Variants in DPYSL5 observed in about 807,000 individuals in gnomAD.
DPYSL5 encodes the protein dihydropyrimidinase like 5.
Under a neutral mutation model 58.4 loss-of-function variants are expected in DPYSL5, and 9 were observed. The ratio of observed to expected loss-of-function variants is 0.15; its 90% CI spans 0.09 to 0.27. The LOEUF (loss-of-function observed/expected upper bound fraction) is 0.27. DPYSL5 is among the 10% of genes least tolerant of loss of function. The pLI is 1.00. For missense variants in DPYSL5, 499 were observed against 770.6 expected, an observed-to-expected ratio of 0.65 and a Z score of 4.17; for synonymous variants, 293 against 301.9, an observed-to-expected ratio of 0.97 and a Z score of 0.31.
At chr2:26,860,158 A>G (rs1665973992) in intron 1 of DPYSL5, among the ~76,000 whole-genome samples, 1 of 152,218 alleles carries the variant, frequency 6.6e-6, no homozygotes, top group East Asian at 1.9e-4. Context: ...GAGTGTGGTA[A>G]GTGCTAAGTG....
intron 2 of DPYSL5, among the ~76,000 whole-genome samples, chr2:26,917,535 T>G: frequency 6.7e-6 from 1 of 148,960 alleles, no homozygotes; most frequent in Non-Finnish European, 1.5e-5. Context: ...TGGGGTTGGG[T>G]GTGGGGTTGG....
At chr2:26,914,055 G>A (rs1236355401) in intron 2 of DPYSL5, among the ~76,000 whole-genome samples, 1 of 152,006 alleles carries the variant, frequency 6.6e-6, no homozygotes, top group Non-Finnish European at 1.5e-5. Context: ...GGGAGGGATC[G>A]CCCAGGCTGG....
intron 1 of DPYSL5, among the ~76,000 whole-genome samples, chr2:26,891,215 G>A (rs1263464896): frequency 1.3e-5 from 2 of 152,190 alleles, no homozygotes; most frequent in Non-Finnish European, 2.9e-5. Context: ...TAAATCAGAT[G>A]ATGCACACAA....
In DPYSL5 at chr2:26,948,296, T is replaced by A. The variant is rs1224645342; in HGVS notation, c.*1301T>A. On this transcript the variant is annotated 3_prime_UTR_variant, in exon 13 of 13. Transcript: ENST00000288699. ...CCGCATTGCTGCTCAGGTGCCGTGA[T>A]CTCCCGTGGTCGGCACCAGGCCCTT... is the stretch of plus-strand genomic sequence containing the variant. 1 of 152,210 alleles carries A rather than the reference T, an allele frequency of 6.6e-6. No individual in the cohort carries two copies. The highest frequency in any genetic ancestry group is 1.5e-5 in the Non-Finnish European group (1 of 68,082). The allele number at this position is 152,210 out of a possible 1,614,324, so 9.4% of individuals were successfully genotyped here.
Position 26,944,107 on chromosome 2 carries a change from G to T in DPYSL5, c.1441-549G>T, listed in dbSNP as rs1432799692. On this transcript the variant is annotated intron_variant, in intron 11 of 12. Transcript: ENST00000288699. The surrounding 1 kb of genome is among the most constrained non-coding windows in gnomAD (Gnocchi z 4.4). ...GAGTTCAAGACCAGCTGGCCAAGAT[G>T]GTGAAACCCCGTCTCTATTAAAAAT... Among the ~76,000 whole-genome samples, 3 of 152,128 alleles carry T rather than the reference G, an allele frequency of 2.0e-5. No homozygotes were observed. In the East Asian group the frequency reaches 5.8e-4, roughly 29 times the overall value.
At chr2:26,891,161 A>T (rs1360156278) in intron 1 of DPYSL5, among the ~76,000 whole-genome samples, 2 of 152,224 alleles carry the variant, frequency 1.3e-5, no homozygotes, top group Non-Finnish European at 1.5e-5. Flanking sequence ...TTCTTGGTAA[A>T]AATGGGGGCA....
At chr2:26,935,503 C>T (rs1398135094) in intron 8 of DPYSL5, among the ~76,000 whole-genome samples, 3 of 151,964 alleles carry the variant, frequency 2.0e-5, no homozygotes, top group African/African-American at 4.8e-5. Flanking sequence ...GCCTGGCCAA[C>T]GTGGTAAAAC....
intron 2 of DPYSL5, among the ~76,000 whole-genome samples, chr2:26,908,421 T>C (rs765436944): frequency 1.5e-4 from 23 of 152,258 alleles, no homozygotes; most frequent in South Asian, 4.1e-4. Flanking sequence ...AAAGGTGTCC[T>C]GCTTCAAACC....
At position 26,941,990 on chromosome 2, in the gene DPYSL5, C is replaced by G; in HGVS notation, c.1130C>G (p.Thr377Ser). The G allele has an allele frequency of 6.2e-7, 1 of 1,614,220 alleles. No homozygotes were observed. The highest frequency in any genetic ancestry group is 8.5e-7 in the Non-Finnish European group (1 of 1,180,040). Residue 377 changes from threonine to serine, a missense_variant, in exon 10 of 13, where the codon ACC becomes AGC. This residue lies in a region of DPYSL5 where 404 missense variants were observed against 647.6 expected (regional missense o/e 0.62). Transcript: ENST00000288699. The part of the protein sequence containing the change: ...KMDENRFVAV[T>S]SSNAAKLLNL... ...GATGAGAACCGTTTTGTGGCCGTTA[C>G]CAGTTCCAACGCAGCTAAGCTTCTG... is the stretch of plus-strand genomic sequence containing the variant.
At chr2:26,872,518 C>G (rs567248037) in intron 1 of DPYSL5, among the ~76,000 whole-genome samples, 1 of 152,046 alleles carries the variant, frequency 6.6e-6, no homozygotes, top group Admixed American at 6.6e-5. Flanking sequence ...GGTGAAACCC[C>G]GTCTCTACTA....
intron 1 of DPYSL5, among the ~76,000 whole-genome samples, chr2:26,851,371 C>G (rs1572665817): frequency 6.6e-6 from 1 of 152,274 alleles, no homozygotes; most frequent in Non-Finnish European, 1.5e-5. Context: ...CGTAACCTCT[C>G]TAGGTGCAAA....
intron 1 of DPYSL5, among the ~76,000 whole-genome samples, chr2:26,878,823 C>T (rs1263875366): frequency 6.6e-6 from 1 of 152,192 alleles, no homozygotes; most frequent in African/African-American, 2.4e-5. Context: ...AGCTAGCTTG[C>T]GCCACACAGC....
chr2:26,889,550 G>T (rs768134043), intron 1 of DPYSL5, among the ~76,000 whole-genome samples: 2 of 151,988 alleles, frequency 1.3e-5, no homozygotes, highest in African/African-American at 2.4e-5. Context: ...GATTACAGGC[G>T]TGAGCCACCG....
Position 26,898,516 on chromosome 2 carries a change from C to T in DPYSL5, c.17C>T (p.Ala6Val), listed in dbSNP as rs1398579630. 4 of 1,613,960 alleles carry T rather than the reference C, an allele frequency of 2.5e-6. No individual in the cohort carries two copies. In the East Asian group the frequency reaches 8.9e-5, roughly 36 times the overall value. MLANS[A>V]SVRILIKGGK... The stretch of plus-strand genomic sequence containing the variant: ...TGTAGGAACATGCTTGCCAACTCAG[C>T]CAGCGTGAGGATCCTCATCAAGGGA... Residue 6 changes from alanine to valine, a missense_variant, in exon 2 of 13, where the codon GCC becomes GTC. This residue lies in a region of DPYSL5 where 404 missense variants were observed against 647.6 expected (regional missense o/e 0.62). Coordinates refer to ENST00000288699, the MANE Select transcript of DPYSL5 (RefSeq NM_020134.4). The surrounding 1 kb of genome is among the most constrained non-coding windows in gnomAD (Gnocchi z 6.1).
At chr2:26,886,809 C>T (rs1427804026) in intron 1 of DPYSL5, among the ~76,000 whole-genome samples, 1 of 152,192 alleles carries the variant, frequency 6.6e-6, no homozygotes, top group Non-Finnish European at 1.5e-5. Flanking sequence ...GCATCCTCCA[C>T]AACTCCATTT....
intron 1 of DPYSL5, among the ~76,000 whole-genome samples, chr2:26,885,189 A>G (rs1663684969): frequency 6.6e-6 from 1 of 151,886 alleles, no homozygotes. Context: ...ACAGAGCAAG[A>G]CTCTGTCTCA....
chr2:26,932,788 C>G (rs559889107), intron 6 of DPYSL5, among the ~76,000 whole-genome samples: 31 of 152,264 alleles, frequency 2.0e-4, no homozygotes, highest in African/African-American at 7.5e-4. Flanking sequence ...ACCCTAACCC[C>G]CTTGTATTTT....
intron 1 of DPYSL5, among the ~76,000 whole-genome samples, chr2:26,862,439 G>A (rs1357387050): frequency 2.0e-5 from 3 of 152,182 alleles, no homozygotes; most frequent in African/African-American, 7.2e-5. Context: ...ATTATTATTT[G>A]CTATTAATGA....
Position 26,942,776 on chromosome 2 carries a change from G to A in DPYSL5, c.1440+26G>A. The stretch of plus-strand genomic sequence containing the variant: ...GTGAGGTGGGAGGAGGAAGATGCAG[G>A]GGTGTTGGCGCCCCCTGCCGGGGAA... On this transcript the variant is annotated intron_variant, in intron 11 of 12. Coordinates refer to ENST00000288699, the MANE Select transcript of DPYSL5 (RefSeq NM_020134.4). This position sits in a 1 kb window ranked among gnomAD's most constrained non-coding sequence, Gnocchi z 5.9. The A allele has an allele frequency of 6.2e-7, 1 of 1,605,560 alleles. No individual in the cohort carries two copies.
Sources: allele counts gnomAD v4.1 joint callset (sites outside exome capture counted in the v4.1 genomes callset), GRCh38; gene constraint gnomAD v4.1.1; regional missense constraint gnomAD v4.1.1; non-coding constraint Gnocchi (gnomAD v3.1); transcripts MANE v1.5; gene names NCBI Gene and HGNC (gene_info 2026-07-23, HGNC 2026-07-21).